Variants in RFX4 observed in about 807,000 individuals in gnomAD.
RFX4 encodes regulatory factor X4.
RFX4 carries 10 observed loss-of-function variants against 95.0 expected under a neutral mutation model. That is an observed-to-expected ratio of 0.11 (90% CI 0.06 to 0.18). RFX4 has a LOEUF of 0.18. Ranked by LOEUF, RFX4 falls within the 10% of genes least tolerant of loss-of-function variation. The pLI is 1.00. For missense variants in RFX4, 640 were observed against 922.0 expected, an observed-to-expected ratio of 0.69 and a Z score of 3.96; for synonymous variants, 321 against 340.7, an observed-to-expected ratio of 0.94 and a Z score of 0.64.
chr12:106,647,283 A>G (rs2040766478), intron 3 of RFX4, among the ~76,000 whole-genome samples: 1 of 152,086 alleles, frequency 6.6e-6, no homozygotes, highest in East Asian at 1.9e-4. Flanking sequence ...ATCATACCTG[A>G]GTTCATACTT....
In RFX4 at chr12:106,608,113, C is replaced by T. The variant is rs184381171; in HGVS notation, c.44-684C>T. 1.6e-3 allele frequency among the ~76,000 whole-genome samples: 247 copies of T among 152,184 alleles called. 1 individual carries two copies. The highest frequency in any genetic ancestry group is 5.9e-3 in the African/African-American group (245 of 41,516). ...CTGAGGCAGGAGAATTGCTTGAGCC[C>T]GGGAGGCGGAGGTTGCAGTGAGCCG... On this transcript the variant is annotated intron_variant, in intron 1 of 17. Coordinates refer to ENST00000392842, the MANE Select transcript of RFX4 (RefSeq NM_213594.3).
At chr12:106,661,618 A>G (rs1283962326) in intron 4 of RFX4, among the ~76,000 whole-genome samples, 2 of 152,226 alleles carry the variant, frequency 1.3e-5, no homozygotes, top group African/African-American at 4.8e-5. Flanking sequence ...ATTCACTCAC[A>G]TACTGTGAGT....
At chr12:106,643,073 G>T (rs2040664879) in intron 3 of RFX4, among the ~76,000 whole-genome samples, 1 of 152,218 alleles carries the variant, frequency 6.6e-6, no homozygotes, top group Non-Finnish European at 1.5e-5. Context: ...CTGAATCAAA[G>T]CAACGGATCC....
chr12:106,751,234 A>G (rs1348580369), intron 17 of RFX4, among the ~76,000 whole-genome samples: 1 of 151,066 alleles, frequency 6.6e-6, no homozygotes, highest in Non-Finnish European at 1.5e-5. Context: ...ATGATTTCCA[A>G]TTTCATCCAT....
At chr12:106,688,130 CGCAATCTCA>C (rs1159469385) in intron 6 of RFX4, among the ~76,000 whole-genome samples, 3 of 137,984 alleles carry the variant, frequency 2.2e-5, no homozygotes, top group Non-Finnish European at 3.0e-5. Flanking sequence ...AGTGCAGTGG[CGCAATCTCA>C]GCTCACTGCA....
chr12:106,667,131 T>C (rs1183327562), intron 4 of RFX4, among the ~76,000 whole-genome samples: 1 of 152,202 alleles, frequency 6.6e-6, no homozygotes, highest in African/African-American at 2.4e-5. Context: ...CAAGTGTTTC[T>C]CCATTTTTTC....
chr12:106,611,237 A>G (rs2039955464), intron 2 of RFX4, among the ~76,000 whole-genome samples: 1 of 152,174 alleles, frequency 6.6e-6, no homozygotes, highest in African/African-American at 2.4e-5. Context: ...GTGACTTACA[A>G]ATATTTCCTC....
intron 4 of RFX4, among the ~76,000 whole-genome samples, chr12:106,675,633 T>C (rs1235157704): frequency 2.0e-5 from 3 of 152,048 alleles, no homozygotes; most frequent in Non-Finnish European, 1.5e-5. Flanking sequence ...ACTTTAATTT[T>C]AAAAAAAGAT....
At chr12:106,614,477 CTG>C (rs34226201) in intron 2 of RFX4, among the ~76,000 whole-genome samples, 2,567 of 127,798 alleles carry the variant, frequency 0.02, 32 homozygotes, top group South Asian at 0.033. Context: ...CGTCTTTTGC[CTG>C]TGTGTGTGTG....
chr12:106,729,563 G>A (rs899956044), intron 13 of RFX4, among the ~76,000 whole-genome samples: 1 of 152,190 alleles, frequency 6.6e-6, no homozygotes, highest in African/African-American at 2.4e-5. Flanking sequence ...CTTAATGACT[G>A]TGTGACATTA....
intron 4 of RFX4, among the ~76,000 whole-genome samples, chr12:106,663,115 T>G (rs914789786): frequency 6.6e-6 from 1 of 152,120 alleles, no homozygotes; most frequent in African/African-American, 2.4e-5. Flanking sequence ...GGATTCTGAT[T>G]GAGATTGTAT....
chr12:106,737,162 G>GTTTTTTTTTTT (rs556116618), intron 15 of RFX4, among the ~76,000 whole-genome samples: 1 of 54,926 alleles, frequency 1.8e-5, no homozygotes, highest in Non-Finnish European at 3.5e-5. Flanking sequence ...CGGAACTAAA[G>GTTTTTTTTTTT]TTTTTTTTTT....
intron 1 of RFX4, 149 bp downstream of exon 1, chr12:106,583,512 A>G (rs539807512): frequency 1.9e-4 from 119 of 632,046 alleles, no homozygotes; most frequent in Non-Finnish European, 2.9e-4. Flanking sequence ...GAAGTTTTCA[A>G]TTCGAGGCGA....
intron 2 of RFX4, among the ~76,000 whole-genome samples, chr12:106,619,892 A>T (rs752631502): frequency 5.3e-5 from 8 of 151,858 alleles, no homozygotes; most frequent in Non-Finnish European, 1.0e-4. Context: ...TTAATTTCAG[A>T]TATTGTATTC....
chr12:106,645,913 G>A, intron 3 of RFX4: 1 of 1,289,184 alleles, frequency 7.8e-7, no homozygotes. Flanking sequence ...CCCTCCGGAT[G>A]ACCTCAGCTA....
At chr12:106,633,680 G>T (rs1459425328) in intron 2 of RFX4, among the ~76,000 whole-genome samples, 2 of 152,194 alleles carry the variant, frequency 1.3e-5, no homozygotes, top group African/African-American at 4.8e-5. Flanking sequence ...ACCCATGCCT[G>T]CCTGTCCTCA....
chr12:106,662,256 C>A, intron 4 of RFX4: 1 of 366,366 alleles, frequency 2.7e-6, no homozygotes, highest in South Asian at 2.3e-5. Flanking sequence ...TTTGGCCATT[C>A]TAATAGGTAT....
chr12:106,666,041 T>C (rs923813907), intron 4 of RFX4, among the ~76,000 whole-genome samples: 11 of 152,066 alleles, frequency 7.2e-5, no homozygotes, highest in African/African-American at 2.4e-4. Context: ...AAGAATTTCT[T>C]TTAACATTTC....
At chr12:106,621,214 A>G (rs948045815) in intron 2 of RFX4, among the ~76,000 whole-genome samples, 3 of 152,218 alleles carry the variant, frequency 2.0e-5, no homozygotes, top group Admixed American at 2.0e-4. Flanking sequence ...TAAAAGCATT[A>G]TTTGGGAACT....
Sources: allele counts gnomAD v4.1 joint callset (sites outside exome capture counted in the v4.1 genomes callset), GRCh38; gene constraint gnomAD v4.1.1; transcripts MANE v1.5; gene names NCBI Gene and HGNC (gene_info 2026-07-23, HGNC 2026-07-21).